MAPRE3: variants seen among roughly 807,000 people sequenced by gnomAD.
The protein encoded by MAPRE3 is microtubule associated protein RP/EB family member 3.
Under a neutral mutation model 30.5 loss-of-function variants are expected in MAPRE3, and 2 were observed. The ratio of observed to expected loss-of-function variants is 0.07; its 90% CI spans 0.03 to 0.21. The LOEUF is 0.21. Ranked by LOEUF, MAPRE3 falls within the 10% of genes least tolerant of loss-of-function variation. The pLI is 1.00. For synonymous variants in MAPRE3, 110 were observed against 127.7 expected (o/e 0.86, Z 0.93); for missense variants, 204 against 351.8 (o/e 0.58, Z 3.36).
chr2:27,009,732 C>G (rs1666806735), intron 1 of MAPRE3: 1 of 152,262 alleles, frequency 6.6e-6, no homozygotes, highest in Non-Finnish European at 1.5e-5. Context: ...ACTTGCAGTC[C>G]TTTCCTTCCT....
At chr2:26,995,163 A>G (rs1453083636) in intron 1 of MAPRE3, among the ~76,000 whole-genome samples, 3 of 152,232 alleles carry the variant, frequency 2.0e-5, no homozygotes, top group Non-Finnish European at 4.4e-5. Flanking sequence ...AAGCAGCTAT[A>G]GACACTAGGT....
chr2:27,008,310 C>T (rs1451702781), intron 1 of MAPRE3, among the ~76,000 whole-genome samples: 3 of 152,250 alleles, frequency 2.0e-5, no homozygotes, highest in Non-Finnish European at 2.9e-5. Context: ...GTCTTCTGGG[C>T]TGGGCACAGT....
Position 27,015,329 on chromosome 2 carries a change from T to G in MAPRE3, c.-7-6883T>G, listed in dbSNP as rs190597790. ...CATAACTGTTCTGTGAGGTGGGAGC[T>G]GTCACTGTCCTCACTTTATAGATGA... On this transcript the variant is annotated intron_variant, in intron 1 of 6. Transcript: ENST00000233121. The surrounding 1 kb of genome is among the most constrained non-coding windows in gnomAD (Gnocchi z 4.0). Among the ~76,000 whole-genome samples the G allele has an allele frequency of 2.2e-4, 33 of 152,366 alleles. No individual in the cohort carries two copies. In the East Asian group the frequency reaches 6.0e-3, roughly 28 times the overall value.
At chr2:26,996,490 T>C (rs1246586161) in intron 1 of MAPRE3, among the ~76,000 whole-genome samples, 1 of 152,080 alleles carries the variant, frequency 6.6e-6, no homozygotes, top group Non-Finnish European at 1.5e-5. Flanking sequence ...AGACTAACCA[T>C]ACAAGGTTTC....
chr2:26,988,344 A>G (rs722911), intron 1 of MAPRE3, among the ~76,000 whole-genome samples: 88,747 of 152,050 alleles, frequency 0.58, 26,302 homozygotes, highest in East Asian at 0.76. Flanking sequence ...ATATCAGAGC[A>G]TCAAGAACAC....
intron 1 of MAPRE3, among the ~76,000 whole-genome samples, chr2:26,977,681 A>G (rs910299273): frequency 2.6e-5 from 4 of 152,190 alleles, no homozygotes; most frequent in African/African-American, 7.2e-5. Context: ...GCAGAGCCCT[A>G]TGTAGACATA....
intron 1 of MAPRE3, among the ~76,000 whole-genome samples, chr2:26,999,905 T>C (rs976462366): frequency 1.3e-5 from 2 of 152,204 alleles, no homozygotes; most frequent in Non-Finnish European, 2.9e-5. Context: ...ACAAATTAGT[T>C]CTAATATTTT....
At chr2:26,973,734 T>C (rs552380418) in intron 1 of MAPRE3, among the ~76,000 whole-genome samples, 1 of 152,148 alleles carries the variant, frequency 6.6e-6, no homozygotes, top group East Asian at 1.9e-4. Flanking sequence ...TTTTTGTATT[T>C]TTAGTAGAGA....
chr2:26,983,370 T>TC (rs1666156079), intron 1 of MAPRE3, among the ~76,000 whole-genome samples: 1 of 152,102 alleles, frequency 6.6e-6, no homozygotes. Context: ...CTGCTCTGCT[T>TC]CCCCTGTGGC....
intron 1 of MAPRE3, among the ~76,000 whole-genome samples, chr2:26,994,806 T>TTTC (rs200069735): frequency 1.4e-5 from 2 of 138,318 alleles, no homozygotes; most frequent in African/African-American, 5.4e-5. Context: ...GACATTTTCC[T>TTTC]TTCTTCTTCT....
intron 4 of MAPRE3, 144 bp from the exon 5 acceptor site, chr2:27,025,439 G>A (rs1667215452): frequency 1.3e-6 from 1 of 794,562 alleles, no homozygotes; most frequent in Non-Finnish European, 2.0e-6. Context: ...CCTAGCTGTA[G>A]ATGCCCTTCC....
intron 1 of MAPRE3, among the ~76,000 whole-genome samples, chr2:26,995,831 A>ATGTGTG (rs1323254577): frequency 1.2e-5 from 1 of 80,694 alleles, no homozygotes; most frequent in Non-Finnish European, 2.5e-5. Flanking sequence ...GTGTGTGTGT[A>ATGTGTG]TGTGTGTGTG....
intron 1 of MAPRE3, among the ~76,000 whole-genome samples, chr2:26,975,641 C>G (rs981986168): frequency 6.6e-6 from 1 of 152,134 alleles, no homozygotes; most frequent in Admixed American, 6.5e-5. Context: ...CAAAGGGGAA[C>G]TTTTACTTTA....
At position 27,024,175 on chromosome 2, in the gene MAPRE3, A is replaced by C; in HGVS notation, c.347A>C (p.Asp116Ala). The C allele has an allele frequency of 6.2e-7, 1 of 1,614,220 alleles. No homozygotes were observed. The highest frequency in any genetic ancestry group is 8.5e-7 in the Non-Finnish European group (1 of 1,180,004). ...ATTCAGTGGTTTAAGAAATTCTTTG[A>C]CGCAAACTATGATGGAAAGGATTAC... ...EFIQWFKKFF[D>A]ANYDGKDYNP... is the part of the protein sequence containing the mutation. Residue 116 changes from aspartate (D) to alanine (A), a missense_variant, in exon 4 of 7, where the codon GAC (aspartate) becomes GCC (alanine). Physicochemically the swap from Asp to Ala is moderately radical, Grantham distance 126. Transcript: ENST00000233121.
chr2:27,020,089 T>C (rs192274027), intron 1 of MAPRE3, among the ~76,000 whole-genome samples: 1 of 152,088 alleles, frequency 6.6e-6, no homozygotes, highest in Non-Finnish European at 1.5e-5. Context: ...GGGGCCACAA[T>C]TGAGAACCAT....
intron 1 of MAPRE3, among the ~76,000 whole-genome samples, chr2:26,990,107 A>G (rs1232865951): frequency 6.6e-6 from 1 of 152,146 alleles, no homozygotes; most frequent in African/African-American, 2.4e-5. Flanking sequence ...GGAGCCCAGG[A>G]GTGTGAGGCT....
intron 1 of MAPRE3, chr2:26,997,051 T>C (rs1428116635): frequency 6.6e-6 from 1 of 152,132 alleles, no homozygotes; most frequent in African/African-American, 2.4e-5. Context: ...AAATACATGA[T>C]ATGTGATCCC....
intron 1 of MAPRE3, among the ~76,000 whole-genome samples, chr2:26,983,249 A>T (rs562401363): frequency 6.6e-6 from 1 of 152,348 alleles, no homozygotes; most frequent in Admixed American, 6.5e-5. Flanking sequence ...CCACTCTCCT[A>T]GGTATGGATG....
At chr2:26,972,798 T>C (rs1170494382) in intron 1 of MAPRE3, among the ~76,000 whole-genome samples, 1 of 152,242 alleles carries the variant, frequency 6.6e-6, no homozygotes, top group East Asian at 1.9e-4. Context: ...TATGGGATAG[T>C]ACATTTTCAG....
Sources: gnomAD v4.1 joint callset for allele counts (sites outside exome capture counted in the v4.1 genomes callset) on GRCh38, gnomAD v4.1.1 for gene constraint, Gnocchi (gnomAD v3.1) non-coding constraint, MANE v1.5 for transcripts, NCBI Gene and HGNC (gene_info 2026-07-23, HGNC 2026-07-21) for gene names.